Variants in ARHGAP44 observed in about 807,000 individuals in gnomAD.
ARHGAP44 encodes the protein rho GTPase-activating protein 44.
In ARHGAP44, 43 loss-of-function variants were observed where a neutral mutation model predicts 106.8. The observed-to-expected ratio is 0.40, with a 90% CI of 0.32 to 0.52. The LOEUF (loss-of-function observed/expected upper bound fraction) is 0.52, where lower values mean the gene tolerates loss of function less well. ARHGAP44 is among the 20% of genes least tolerant of loss of function. ARHGAP44 has a pLI of 0.48. For synonymous variants in ARHGAP44, 439 were observed against 410.3 expected (o/e 1.07, Z -0.85); for missense variants, 866 against 1,050.5 (o/e 0.82, Z 2.43).
At chr17:12,931,841 T>TAC (rs10522083) in intron 7 of ARHGAP44, among the ~76,000 whole-genome samples, 8,273 of 146,320 alleles carry the variant, frequency 0.057, 249 homozygotes, top group South Asian at 0.075. Context: ...ACAGTAGGGA[T>TAC]ACACACACAC....
At chr17:12,955,498 A>T (rs73292366) in intron 13 of ARHGAP44, among the ~76,000 whole-genome samples, 2 of 152,146 alleles carry the variant, frequency 1.3e-5, no homozygotes, top group Non-Finnish European at 2.9e-5. Flanking sequence ...GTTCCTGCCA[A>T]TGGTACTTAG....
intron 1 of ARHGAP44, among the ~76,000 whole-genome samples, chr17:12,814,433 G>A (rs1035614457): frequency 6.6e-6 from 1 of 151,662 alleles, no homozygotes; most frequent in Admixed American, 6.6e-5. Flanking sequence ...TAGAGACGGG[G>A]TTTCACCATG....
intron 1 of ARHGAP44, among the ~76,000 whole-genome samples, chr17:12,824,662 G>T (rs1220753700): frequency 6.6e-6 from 1 of 152,030 alleles, no homozygotes; most frequent in Non-Finnish European, 1.5e-5. Context: ...CCATCCCCAG[G>T]ATAATAATTA....
At chr17:12,830,496 T>C (rs1303224054) in intron 1 of ARHGAP44, among the ~76,000 whole-genome samples, 2 of 152,174 alleles carry the variant, frequency 1.3e-5, no homozygotes, top group East Asian at 3.9e-4. Context: ...TCAAACTTCT[T>C]ATCATAGGAG....
chr17:12,828,651 T>C (rs1236157836), intron 1 of ARHGAP44, among the ~76,000 whole-genome samples: 2 of 145,610 alleles, frequency 1.4e-5, no homozygotes, highest in African/African-American at 5.1e-5. Context: ...TTTTTTTTTT[T>C]TTTTTTTAAA....
chr17:12,846,098 G>GAAA (rs200182544), intron 1 of ARHGAP44, among the ~76,000 whole-genome samples: 8,394 of 144,948 alleles, frequency 0.058, 358 homozygotes, highest in African/African-American at 0.12. Flanking sequence ...TGGTTTCCAG[G>GAAA]AAAAAAAAAA....
intron 8 of ARHGAP44, among the ~76,000 whole-genome samples, chr17:12,942,319 G>A (rs1284602982): frequency 6.6e-6 from 1 of 152,098 alleles, no homozygotes; most frequent in Non-Finnish European, 1.5e-5. Context: ...GCTAATTTTT[G>A]TATTTTTAGT....
chr17:12,907,225 G>C (rs967063427), intron 3 of ARHGAP44, among the ~76,000 whole-genome samples: 33 of 152,180 alleles, frequency 2.2e-4, no homozygotes, highest in African/African-American at 8.0e-4. Flanking sequence ...TTCTTACCTT[G>C]TTTTTGTTCT....
intron 1 of ARHGAP44, among the ~76,000 whole-genome samples, chr17:12,837,603 GT>G (rs60392463): frequency 9.8e-4 from 141 of 143,762 alleles, no homozygotes; most frequent in East Asian, 2.0e-3. Context: ...ACTGCATGTT[GT>G]TTTTTTTTTT....
chr17:12,908,020 A>AGGTCTTGATT (rs1449880727), intron 3 of ARHGAP44, among the ~76,000 whole-genome samples: 1 of 151,874 alleles, frequency 6.6e-6, no homozygotes, highest in East Asian at 1.9e-4. Context: ...GTGTAAAGTG[A>AGGTCTTGATT]GGTCTTGATT....
At chr17:12,789,930 C>A in intron 1 of ARHGAP44, 39 bp downstream of exon 1, 1 of 1,493,514 alleles carries the variant, frequency 6.7e-7, no homozygotes. Flanking sequence ...TGCGCGCCCG[C>A]GAGGCTGCAT....
At chr17:12,944,292 G>A (rs995142592) in intron 10 of ARHGAP44, 96 bp downstream of exon 10, 9 of 1,410,022 alleles carry the variant, frequency 6.4e-6, no homozygotes, top group East Asian at 2.5e-5. Flanking sequence ...TCTCCACTCC[G>A]GCCCCCACGA....
At chr17:12,835,084 TTGTG>T (rs1007479587) in intron 1 of ARHGAP44, among the ~76,000 whole-genome samples, 1 of 152,120 alleles carries the variant, frequency 6.6e-6, no homozygotes, top group African/African-American at 2.4e-5. Context: ...GAAATAGAGA[TTGTG>T]TGTGATGTCG....
At chr17:12,812,666 A>G (rs1338532548) in intron 1 of ARHGAP44, among the ~76,000 whole-genome samples, 1 of 152,226 alleles carries the variant, frequency 6.6e-6, no homozygotes, top group Non-Finnish European at 1.5e-5. Flanking sequence ...TATGGTGGAT[A>G]AATAGGTTCA....
At chr17:12,819,900 G>T (rs182521569) in intron 1 of ARHGAP44, among the ~76,000 whole-genome samples, 143 of 152,114 alleles carry the variant, frequency 9.4e-4, no homozygotes, top group African/African-American at 3.2e-3. Context: ...TATGAACAGA[G>T]TTTTTAATTT....
intron 1 of ARHGAP44, among the ~76,000 whole-genome samples, chr17:12,821,549 A>G (rs2034770789): frequency 6.6e-6 from 1 of 152,214 alleles, no homozygotes; most frequent in South Asian, 2.1e-4. Context: ...GAAGTTGGAC[A>G]GACAGCATAG....
At chr17:12,931,364 G>A (rs1435718280) in intron 7 of ARHGAP44, among the ~76,000 whole-genome samples, 1 of 151,920 alleles carries the variant, frequency 6.6e-6, no homozygotes, top group African/African-American at 2.4e-5. Context: ...GTGCTACCAC[G>A]CCCGGCCTAT....
At chr17:12,893,379 AGTCCT>A (rs915688081) in intron 1 of ARHGAP44, among the ~76,000 whole-genome samples, 2 of 152,156 alleles carry the variant, frequency 1.3e-5, no homozygotes, top group Non-Finnish European at 2.9e-5. Flanking sequence ...TGTTGGCAAG[AGTCCT>A]GTCTGTCCAC....
chr17:12,813,352 G>A (rs1252944177), intron 1 of ARHGAP44, among the ~76,000 whole-genome samples: 1 of 151,498 alleles, frequency 6.6e-6, no homozygotes, highest in Non-Finnish European at 1.5e-5. Flanking sequence ...GTAAAAATAA[G>A]GAGACAGCAG....
Sources: allele counts gnomAD v4.1 joint callset (sites outside exome capture counted in the v4.1 genomes callset), GRCh38; gene constraint gnomAD v4.1.1; transcripts MANE v1.5; gene names NCBI Gene and HGNC (gene_info 2026-07-23, HGNC 2026-07-21).